RASEF: variants seen among roughly 807,000 people sequenced by gnomAD.
The protein encoded by RASEF is RAS and EF-hand domain containing.
A neutral mutation model predicts 90.1 loss-of-function variants in RASEF; 68 were observed. The ratio of observed to expected loss-of-function variants is 0.75; its 90% CI spans 0.62 to 0.92. The LOEUF is 0.92. RASEF is among the 40% of genes least tolerant of loss of function. The probability of loss-of-function intolerance (pLI) is 0.00; values close to 1 mark genes in which losing one functional copy is unlikely to be tolerated. For missense variants in RASEF, 949 were observed against 937.2 expected (o/e 1.01, Z -0.16); for synonymous variants, 331 against 345.2 (o/e 0.96, Z 0.46).
At chr9:83,048,560 A>T in intron 1 of RASEF, 8 of 984,954 alleles carry the variant, frequency 8.1e-6, no homozygotes, top group Non-Finnish European at 9.6e-6. Flanking sequence ...GAAGGAATGA[A>T]TGAGTAAATG....
At chr9:83,098,556 A>G in the RASEF span, among the ~76,000 whole-genome samples, 1 of 152,186 alleles carries the variant, frequency 6.6e-6, no homozygotes, top group Non-Finnish European at 1.5e-5. Flanking sequence ...TAAGTGCCTA[A>G]TTGCAACTAA....
chr9:83,119,228 A>G, the RASEF span, among the ~76,000 whole-genome samples: 1 of 146,846 alleles, frequency 6.8e-6, no homozygotes, highest in African/African-American at 2.5e-5. Context: ...CATGTTGGCC[A>G]GGCTGGTCTC....
intron 1 of RASEF, among the ~76,000 whole-genome samples, chr9:83,032,063 C>T (rs1829657032): frequency 6.6e-6 from 1 of 152,140 alleles, no homozygotes; most frequent in Non-Finnish European, 1.5e-5. Context: ...GATTTATATT[C>T]TGTGCCTCTC....
In RASEF at chr9:83,000,030, CACACACAT is replaced by C. The variant is rs1184108989; in HGVS notation, c.1723+131_1723+138del. ...ACACACACACACACACACACACACACACACACATTTATATATGTGTGCATACACAGAGA... is the reference window on the plus strand; with the variant it reads ...ACACACACACACACACACACACACACTTATATATGTGTGCATACACAGAGA... On this transcript the variant is annotated intron_variant, in intron 12 of 16. Transcript: ENST00000376447. 3 of 496,408 alleles carry C rather than the reference CACACACAT, an allele frequency of 6.0e-6. No homozygotes were observed. In the African/African-American group the frequency reaches 8.1e-5, roughly 13 times the overall value. 30.8% of individuals were successfully genotyped at this position (496,408 alleles called of 1,614,324 possible).
chr9:83,056,006 T>C (rs1830095966), intron 1 of RASEF, among the ~76,000 whole-genome samples: 1 of 152,128 alleles, frequency 6.6e-6, no homozygotes, highest in Non-Finnish European at 1.5e-5. Context: ...CAGGTGTATA[T>C]ATATAGTGCC....
At chr9:83,096,365 A>T in the RASEF span, among the ~76,000 whole-genome samples, 18 of 152,218 alleles carry the variant, frequency 1.2e-4, no homozygotes, top group Non-Finnish European at 2.5e-4. Flanking sequence ...CTAAAAAAAG[A>T]CATTAAGGAT....
At chr9:83,038,162 T>C (rs1376516451) in intron 1 of RASEF, among the ~76,000 whole-genome samples, 1 of 152,142 alleles carries the variant, frequency 6.6e-6, no homozygotes, top group East Asian at 1.9e-4. Flanking sequence ...TCTTGTCTTA[T>C]AAATGTTAAT....
chr9:83,079,427 T>C, the RASEF span, among the ~76,000 whole-genome samples: 2 of 152,210 alleles, frequency 1.3e-5, no homozygotes, highest in African/African-American at 4.8e-5. Flanking sequence ...ACCAGTACCA[T>C]GACGTTTTGG....
chr9:83,049,289 A>G, intron 1 of RASEF: 1 of 985,028 alleles, frequency 1.0e-6, no homozygotes, highest in Non-Finnish European at 1.2e-6. Flanking sequence ...AATCAATGAC[A>G]TCAGAATTAG....
At chr9:83,149,804 C>T in the RASEF span, among the ~76,000 whole-genome samples, 1 of 152,178 alleles carries the variant, frequency 6.6e-6, no homozygotes, top group African/African-American at 2.4e-5. Context: ...TGTTTTTACT[C>T]ACAGCACTTC....
At chr9:83,060,975 T>C (rs1411612270) in intron 1 of RASEF, among the ~76,000 whole-genome samples, 1 of 152,228 alleles carries the variant, frequency 6.6e-6, no homozygotes, top group Non-Finnish European at 1.5e-5. Context: ...TGTGAAATAT[T>C]TGTTGCTGAG....
At chr9:83,157,454 C>T in the RASEF span, among the ~76,000 whole-genome samples, 1 of 152,148 alleles carries the variant, frequency 6.6e-6, no homozygotes, top group Non-Finnish European at 1.5e-5. Context: ...CTCTCTTGTT[C>T]TTGCCTTCTT....
the RASEF span, among the ~76,000 whole-genome samples, chr9:83,201,417 A>G: frequency 6.6e-6 from 1 of 152,236 alleles, no homozygotes; most frequent in Non-Finnish European, 1.5e-5. Context: ...GAGTTCGGAT[A>G]TTCTCTTGGA....
At chr9:82,990,611 C>G in intron 15 of RASEF, 144 bp from the exon 16 acceptor site, 1 of 558,512 alleles carries the variant, frequency 1.8e-6, no homozygotes, top group Non-Finnish European at 3.1e-6. Flanking sequence ...ATTCAGAGTT[C>G]CAGTACTTAC....
the RASEF span, among the ~76,000 whole-genome samples, chr9:83,173,366 G>A: frequency 1.3e-5 from 2 of 151,546 alleles, no homozygotes. Flanking sequence ...TATGGCCACC[G>A]ACTCAAGATT....
intron 1 of RASEF, among the ~76,000 whole-genome samples, chr9:83,035,532 G>A (rs1459982543): frequency 6.6e-6 from 1 of 152,130 alleles, no homozygotes; most frequent in Non-Finnish European, 1.5e-5. Flanking sequence ...TGACATTACA[G>A]TATGTATGTG....
the RASEF span, among the ~76,000 whole-genome samples, chr9:83,086,028 T>A: frequency 6.6e-6 from 1 of 152,168 alleles, no homozygotes; most frequent in Admixed American, 6.5e-5. Flanking sequence ...AACTGAGACC[T>A]CCTGTGTGTT....
At chr9:83,212,757 G>A in the RASEF span, among the ~76,000 whole-genome samples, 6 of 152,202 alleles carry the variant, frequency 3.9e-5, no homozygotes, top group Non-Finnish European at 8.8e-5. Flanking sequence ...CATAGCCAGT[G>A]GGACTGCTTA....
chr9:82,999,596 G>A (rs1015783463), intron 12 of RASEF, among the ~76,000 whole-genome samples: 1 of 151,730 alleles, frequency 6.6e-6, no homozygotes, highest in Non-Finnish European at 1.5e-5. Context: ...GATTGGCTAA[G>A]CAGATATCTC....
Sources: allele counts gnomAD v4.1 joint callset (sites outside exome capture counted in the v4.1 genomes callset), GRCh38; gene constraint gnomAD v4.1.1; transcripts MANE v1.5; gene names NCBI Gene and HGNC (gene_info 2026-07-23, HGNC 2026-07-21).